NR4A3: variants seen among roughly 807,000 people sequenced by gnomAD.
The protein encoded by NR4A3 is chondrosarcoma, extraskeletal myxoid, fused to EWS.
Under a neutral mutation model 55.6 loss-of-function variants are expected in NR4A3, and 13 were observed. The observed-to-expected ratio is 0.23, with a 90% confidence interval of 0.15 to 0.37. The LOEUF (loss-of-function observed/expected upper bound fraction) is 0.37. Among genes scored for constraint, NR4A3 ranks in the 10% least tolerant of loss-of-function variants. NR4A3 has a pLI of 1.00. For missense variants in NR4A3, 646 were observed against 822.8 expected (o/e 0.79, Z 2.63); for synonymous variants, 342 against 357.9 (o/e 0.96, Z 0.50).
chr9:99,844,110 A>C (rs1827711087), intron 5 of NR4A3, among the ~76,000 whole-genome samples: 1 of 149,286 alleles, frequency 6.7e-6, no homozygotes, highest in Non-Finnish European at 1.5e-5. Flanking sequence ...TGATGCTGCC[A>C]GTCTGGAGAC....
rs534736865 is a variant in NR4A3, at chr9:99,841,635, C to T, written c.1255-3014C>T. 7.2e-5 allele frequency among the ~76,000 whole-genome samples: 11 copies of T among 152,242 alleles called. No individual in the cohort carries two copies. In the South Asian group the frequency reaches 1.0e-3, roughly 14 times the overall value. On this transcript the variant is annotated intron_variant, in intron 5 of 7. Coordinates refer to ENST00000395097, the MANE Select transcript of NR4A3 (RefSeq NM_006981.4). Reference sequence around the variant, plus strand: ...ATCACAGCAAAATTTTGAGGAAGGCCAGGGATGGTACACATGGTAATCCCA... The same window carrying T: ...ATCACAGCAAAATTTTGAGGAAGGCTAGGGATGGTACACATGGTAATCCCA...
At chr9:99,843,733 T>C (rs564589813) in intron 5 of NR4A3, among the ~76,000 whole-genome samples, 109 of 149,308 alleles carry the variant, frequency 7.3e-4, no homozygotes, top group African/African-American at 2.7e-3. Flanking sequence ...ATTCAGTAGG[T>C]CTGTGGTAGG....
At chr9:99,826,469 TA>T (rs1271226930) in intron 2 of NR4A3, among the ~76,000 whole-genome samples, 1 of 151,872 alleles carries the variant, frequency 6.6e-6, no homozygotes, top group East Asian at 1.9e-4. Flanking sequence ...AAGACACAAA[TA>T]AGAGCAGTAA....
intron 7 of NR4A3, among the ~76,000 whole-genome samples, chr9:99,860,511 T>C (rs879934031): frequency 1.3e-5 from 2 of 152,244 alleles, no homozygotes; most frequent in Non-Finnish European, 2.9e-5. Context: ...TCTTGAAATT[T>C]ACTGCCAAAT....
At chr9:99,832,573 T>C (rs1306956054) in intron 3 of NR4A3, 116 bp from the exon 4 acceptor site, 1 of 848,132 alleles carries the variant, frequency 1.2e-6, no homozygotes, top group Non-Finnish European at 1.7e-6. Flanking sequence ...AAATTAAATT[T>C]ATCGAATTAT....
chr9:99,862,570 AAAAAAAAAAAAAAG>A (rs1215525617), intron 7 of NR4A3, among the ~76,000 whole-genome samples: 5,261 of 103,794 alleles, frequency 0.051, 310 homozygotes, highest in African/African-American at 0.14. Flanking sequence ...AAAAAAAAAA[AAAAAAAAAAAAAAG>A]AGAGAGAAAT....
intron 5 of NR4A3, among the ~76,000 whole-genome samples, chr9:99,842,533 C>A (rs1007700753): frequency 1.3e-5 from 2 of 152,116 alleles, no homozygotes; most frequent in Non-Finnish European, 2.9e-5. Flanking sequence ...GAGTTTGAGA[C>A]CAGCTTGGCC....
At chr9:99,859,055 C>T (rs1827970710) in intron 7 of NR4A3, among the ~76,000 whole-genome samples, 1 of 152,132 alleles carries the variant, frequency 6.6e-6, no homozygotes, top group Admixed American at 6.5e-5. Flanking sequence ...TTAACCATTT[C>T]TGTATGTTAC....
In NR4A3 at chr9:99,865,852, G is replaced by A. The variant is rs1465845042; in HGVS notation, c.*1985G>A. ...TTTATATATCAAGATGATAGAACCT[G>A]GAATGTTAGGATTTTGAAATGTTAG... On this transcript the variant is annotated 3_prime_UTR_variant, in exon 8 of 8. Coordinates refer to ENST00000395097, the MANE Select transcript of NR4A3 (RefSeq NM_006981.4). The surrounding 1 kb of genome is among the most constrained non-coding windows in gnomAD (Gnocchi z 4.3). 1 of 212,858 alleles carries A rather than the reference G, an allele frequency of 4.7e-6. No individual in the cohort carries two copies. Among genetic ancestry groups the A allele is most frequent in the Non-Finnish European group, 9.5e-6 (1 of 104,974 alleles). 13.2% of individuals were successfully genotyped at this position (212,858 alleles called of 1,614,324 possible).
intron 2 of NR4A3, chr9:99,826,893 C>A: frequency 7.9e-7 from 1 of 1,269,528 alleles, no homozygotes; most frequent in Non-Finnish European, 1.1e-6. Context: ...CGTTAAGCAC[C>A]TGGTTTTCCT....
At position 99,864,377 on chromosome 9, in the gene NR4A3, C is replaced by A. The variant is rs751866209; in HGVS notation, c.*510C>A. 7.9e-5 allele frequency: 18 copies of A among 228,162 alleles called. No homozygotes were observed. Among genetic ancestry groups the A allele is most frequent in the Non-Finnish European group, 1.6e-4 (18 of 114,778 alleles). The allele number at this position is 228,162 out of a possible 1,614,324, so 14.1% of individuals were successfully genotyped here. On this transcript the variant is annotated 3_prime_UTR_variant, in exon 8 of 8. Transcript: ENST00000395097. ...CAAGGCAGAAACTTCCTTTTAATTT[C>A]CTTCTTCCTTTATTTTAACAAATGG...
In NR4A3 at chr9:99,824,951, C is replaced by T. The variant is rs191205566; in HGVS notation, c.-176-708C>T. On this transcript the variant is annotated intron_variant, in intron 1 of 7. Coordinates refer to ENST00000395097, the MANE Select transcript of NR4A3 (RefSeq NM_006981.4). ...ACACCGCCCTCTGGGTGCAGGGGACCTGCCTCCGCTCGTCCCATCAGCCGC... is the reference window on the plus strand; with the variant it reads ...ACACCGCCCTCTGGGTGCAGGGGACTTGCCTCCGCTCGTCCCATCAGCCGC... 8.5e-3 allele frequency among the ~76,000 whole-genome samples: 1,296 copies of T among 152,324 alleles called. 6 individuals carry two copies. Among genetic ancestry groups the T allele is most frequent in the Non-Finnish European group, 0.015 (1,028 of 68,036 alleles).
chr9:99,828,645 C>T lies in NR4A3; in HGVS notation c.603C>T (p.Pro201=), dbSNP rs140220595. 0.039 allele frequency: 56,079 copies of T among 1,444,758 alleles called. 1,268 individuals carry two copies. The highest frequency in any genetic ancestry group is 0.045 in the Non-Finnish European group (50,068 of 1,107,554). The allele number at this position is 1,444,758 out of a possible 1,614,324, so 89.5% of individuals were successfully genotyped here. A position where few individuals can be genotyped will look rare whatever the true frequency, so the allele number is the denominator to read the frequency against. Residue 201 remains proline (P), a synonymous_variant, in exon 3 of 8, where the codon CCC becomes CCT. Coordinates refer to ENST00000395097, the MANE Select transcript of NR4A3 (RefSeq NM_006981.4). The surrounding 1 kb of genome is among the most constrained non-coding windows in gnomAD (Gnocchi z 7.7). Reference sequence around the variant, plus strand: ...TCAAGCCCTCGCCGCCGCATCCCCCCGCGCCCAGCCCGGCCGGCGGCCACC... The same window carrying T: ...TCAAGCCCTCGCCGCCGCATCCCCCTGCGCCCAGCCCGGCCGGCGGCCACC... The part of the protein sequence containing the change: ...FHFKPSPPHP[P]APSPAGGHHL...
At position 99,825,511 on chromosome 9, in the gene NR4A3, C is replaced by T. The variant is rs781255400; in HGVS notation, c.-176-148C>T. On this transcript the variant is annotated intron_variant, in intron 1 of 7. Coordinates refer to ENST00000395097, the MANE Select transcript of NR4A3 (RefSeq NM_006981.4). The surrounding 1 kb of genome is among the most constrained non-coding windows in gnomAD (Gnocchi z 5.0). ...GGGGGACTCCTGTACCATTAATCAC[C>T]CTTAATTTTACGATAATTCTTTGTA... 1 of 152,404 alleles carries T rather than the reference C, an allele frequency of 6.6e-6. No homozygotes were observed. The highest frequency in any genetic ancestry group is 6.5e-5 in the Admixed American group (1 of 15,294). 9.4% of individuals were successfully genotyped at this position (152,404 alleles called of 1,614,324 possible).
At position 99,831,460 on chromosome 9, in the gene NR4A3, A is replaced by G. The variant is rs569826113; in HGVS notation, c.952-1229A>G. ...TTGGCTTTGTTATATTAAGTTTTAT[A>G]TAAGCAATCTAGAAACTATCCCCTA... On this transcript the variant is annotated intron_variant, in intron 3 of 7. Coordinates refer to ENST00000395097, the MANE Select transcript of NR4A3 (RefSeq NM_006981.4). Among the ~76,000 whole-genome samples the G allele has an allele frequency of 7.9e-5, 12 of 152,346 alleles. No homozygotes were observed. In the East Asian group the frequency reaches 2.1e-3, roughly 27 times the overall value.
intron 5 of NR4A3, chr9:99,834,032 G>A: frequency 9.2e-7 from 1 of 1,085,878 alleles, no homozygotes. Flanking sequence ...TGCCTACAGT[G>A]GAAATGGCTA....
At position 99,828,067 on chromosome 9, in the gene NR4A3, A is replaced by C; in HGVS notation, c.25A>C (p.Ser9Arg). 1.2e-6 allele frequency: 2 copies of C among 1,613,932 alleles called. No individual in the cohort carries two copies. Among genetic ancestry groups the C allele is most frequent in the Non-Finnish European group, 8.5e-7 (1 of 1,179,928 alleles). The change falls in exon 3 of 8, where the codon AGC becomes CGC. Residue 9 changes from serine to arginine, a missense_variant. Coordinates refer to ENST00000395097, the MANE Select transcript of NR4A3 (RefSeq NM_006981.4). This position sits in a 1 kb window ranked among gnomAD's most constrained non-coding sequence, Gnocchi z 7.7. ...TATGCCCTGCGTCCAAGCCCAATAT[A>C]GCCCTTCCCCTCCAGGTTCCAGTTA... MPCVQAQY[S>R]PSPPGSSYAA... is the part of the protein sequence containing the mutation.
intron 6 of NR4A3, among the ~76,000 whole-genome samples, chr9:99,846,475 A>G (rs1437824450): frequency 2.0e-5 from 3 of 152,216 alleles, no homozygotes; most frequent in African/African-American, 4.8e-5. Flanking sequence ...ACCTATCATG[A>G]AAGAAGAATG....
chr9:99,850,068 A>G (rs377711252), intron 7 of NR4A3, among the ~76,000 whole-genome samples: 2 of 152,200 alleles, frequency 1.3e-5, no homozygotes, highest in Non-Finnish European at 1.5e-5. Flanking sequence ...CAGAAAGGAA[A>G]CAGCTGAAAA....
Sources: allele counts gnomAD v4.1 joint callset (sites outside exome capture counted in the v4.1 genomes callset), GRCh38; gene constraint gnomAD v4.1.1; non-coding constraint Gnocchi (gnomAD v3.1); transcripts MANE v1.5; gene names NCBI Gene and HGNC (gene_info 2026-07-23, HGNC 2026-07-21).